SGCD: variants seen among roughly 807,000 people sequenced by gnomAD.
The protein encoded by SGCD is sarcoglycan delta.
In SGCD, 18 loss-of-function variants were observed where a neutral mutation model predicts 36.6. The ratio of observed to expected loss-of-function variants is 0.49; its 90% CI spans 0.34 to 0.73. SGCD has a LOEUF of 0.73. Among genes scored for constraint, SGCD ranks in the 30% least tolerant of loss-of-function variants. SGCD has a pLI of 0.01. For synonymous variants in SGCD, 133 were observed against 130.6 expected (o/e 1.02, Z -0.12); for missense variants, 387 against 346.7 (o/e 1.12, Z -0.92).
chr5:156,652,185 G>T (rs1348756444), intron 7 of SGCD, among the ~76,000 whole-genome samples: 1 of 151,940 alleles, frequency 6.6e-6, no homozygotes, highest in Admixed American at 6.6e-5. Flanking sequence ...TCTAGCTATA[G>T]AATCATATTG....
chr5:156,464,012 T>G (rs904941016), intron 3 of SGCD, among the ~76,000 whole-genome samples: 1 of 152,022 alleles, frequency 6.6e-6, no homozygotes, highest in Non-Finnish European at 1.5e-5. Context: ...GAAAAACAAA[T>G]TTTAGCTAAA....
intron 3 of SGCD, among the ~76,000 whole-genome samples, chr5:156,175,865 A>ATTACT (rs10681931): frequency 0.34 from 50,975 of 151,852 alleles, 9,275 homozygotes; most frequent in East Asian, 0.59. Flanking sequence ...GGTACCCTAA[A>ATTACT]TTAAGGAGTA....
intron 7 of SGCD, among the ~76,000 whole-genome samples, chr5:156,650,946 A>G (rs1763436136): frequency 6.6e-6 from 1 of 152,182 alleles, no homozygotes; most frequent in Admixed American, 6.6e-5. Context: ...CCAGCGGTGT[A>G]TAAGTGTTCC....
chr5:156,096,715 G>T (rs1395511912), intron 1 of SGCD, among the ~76,000 whole-genome samples: 1 of 152,150 alleles, frequency 6.6e-6, no homozygotes, highest in Non-Finnish European at 1.5e-5. Context: ...TGGAAGGAAA[G>T]AAACCAGACT....
chr5:156,575,632 C>T lies in SGCD; in HGVS notation c.295-13599C>T, dbSNP rs575854645. ...AGTCCACCAGATGTGAGGATAGCTACGAAGCCCTTTCCTGGTTTTAAAGAG... is the reference window on the plus strand; with the variant it reads ...AGTCCACCAGATGTGAGGATAGCTATGAAGCCCTTTCCTGGTTTTAAAGAG... On this transcript the variant is annotated intron_variant, in intron 4 of 8. Transcript: ENST00000337851. Among the ~76,000 whole-genome samples the T allele has an allele frequency of 9.2e-5, 14 of 152,266 alleles. No homozygotes were observed. The East Asian group carries it at 2.1e-3, about 23-fold the overall frequency.
At chr5:155,832,525 G>A in the SGCD span, among the ~76,000 whole-genome samples, 1 of 152,096 alleles carries the variant, frequency 6.6e-6, no homozygotes, top group African/African-American at 2.4e-5. Context: ...AAGCATTGCT[G>A]CCTCTCTGTA....
intron 3 of SGCD, among the ~76,000 whole-genome samples, chr5:156,177,293 C>A (rs74938463): frequency 0.037 from 5,683 of 152,184 alleles, 229 homozygotes; most frequent in African/African-American, 0.096. Flanking sequence ...AGCCACCGTG[C>A]CTGGCCCAAT....
chr5:156,349,897 C>T (rs749147969), intron 3 of SGCD, among the ~76,000 whole-genome samples: 1 of 151,996 alleles, frequency 6.6e-6, no homozygotes, highest in Non-Finnish European at 1.5e-5. Context: ...CATACACCAT[C>T]AGCCATAAAA....
chr5:155,951,382 T>C (rs372211554), intron 1 of SGCD, among the ~76,000 whole-genome samples: 2 of 152,072 alleles, frequency 1.3e-5, no homozygotes, highest in South Asian at 4.1e-4. Context: ...CCCAATGATG[T>C]GGTTAAATCT....
At chr5:156,023,682 G>A (rs1354165300) in intron 1 of SGCD, among the ~76,000 whole-genome samples, 3 of 152,194 alleles carry the variant, frequency 2.0e-5, no homozygotes, top group African/African-American at 4.8e-5. Flanking sequence ...GAGGAAGTGT[G>A]AGAACGTTCA....
intron 3 of SGCD, among the ~76,000 whole-genome samples, chr5:156,392,825 C>T (rs562488202): frequency 1.3e-5 from 2 of 152,228 alleles, no homozygotes; most frequent in South Asian, 2.1e-4. Flanking sequence ...TTCTGCTGGT[C>T]GGTGGCCTGC....
At chr5:156,111,472 A>G (rs1025285867) in intron 1 of SGCD, among the ~76,000 whole-genome samples, 15 of 152,204 alleles carry the variant, frequency 9.9e-5, no homozygotes, top group Admixed American at 7.2e-4. Context: ...CTTTTCATCT[A>G]TAAGGTAGAC....
At chr5:155,811,064 G>A in the SGCD span, among the ~76,000 whole-genome samples, 2,656 of 151,662 alleles carry the variant, frequency 0.018, 86 homozygotes, top group African/African-American at 0.06. Flanking sequence ...TGATCCGCCC[G>A]CCTCGGCCTC....
chr5:155,923,517 CTT>C (rs1010952337), intron 1 of SGCD, among the ~76,000 whole-genome samples: 39 of 152,208 alleles, frequency 2.6e-4, no homozygotes, highest in African/African-American at 9.4e-4. Flanking sequence ...GTTTCATACT[CTT>C]TATATAACAG....
intron 4 of SGCD, among the ~76,000 whole-genome samples, chr5:156,546,343 T>C (rs2113174035): frequency 6.6e-6 from 1 of 152,340 alleles, no homozygotes; most frequent in African/African-American, 2.4e-5. Context: ...CTGACTTGTT[T>C]CTCTATGTCT....
At chr5:156,681,329 T>G (rs1209491404) in intron 7 of SGCD, among the ~76,000 whole-genome samples, 1 of 152,184 alleles carries the variant, frequency 6.6e-6, no homozygotes, top group African/African-American at 2.4e-5. Context: ...GAAGCCACAT[T>G]GTCTGAAGTT....
chr5:155,830,330 T>A, the SGCD span, among the ~76,000 whole-genome samples: 1 of 130,982 alleles, frequency 7.6e-6, no homozygotes, highest in Non-Finnish European at 1.6e-5. Flanking sequence ...TCTCCGTGTG[T>A]ATACACTCGT....
chr5:156,162,907 G>T (rs980911689), intron 3 of SGCD, among the ~76,000 whole-genome samples: 1 of 151,534 alleles, frequency 6.6e-6, no homozygotes, highest in African/African-American at 2.4e-5. Context: ...TGGGGGATGA[G>T]GCAAGGCAGC....
chr5:156,165,508 A>G (rs1581140873), intron 3 of SGCD, among the ~76,000 whole-genome samples: 2 of 152,276 alleles, frequency 1.3e-5, no homozygotes, highest in Admixed American at 1.3e-4. Context: ...AGTTGTGCCA[A>G]TTTTGTTGTC....
Sources: gnomAD v4.1 joint callset for allele counts (sites outside exome capture counted in the v4.1 genomes callset) on GRCh38, gnomAD v4.1.1 for gene constraint, MANE v1.5 for transcripts, NCBI Gene and HGNC (gene_info 2026-07-23, HGNC 2026-07-21) for gene names.